Variants in UGT1A7 observed in about 807,000 individuals in gnomAD.
UGT1A7 encodes UDP glucuronosyltransferase family 1 member A7.
UGT1A7 carries 33 observed loss-of-function variants against 45.6 expected under a neutral mutation model. The ratio of observed to expected loss-of-function variants is 0.72; its 90% CI spans 0.55 to 0.97. UGT1A7 has a LOEUF of 0.97. Among genes scored for constraint, UGT1A7 ranks in the 50% least tolerant of loss-of-function variants. The probability of loss-of-function intolerance (pLI) is 0.00; values close to 1 mark genes in which losing one functional copy is unlikely to be tolerated. For synonymous variants in UGT1A7, 274 were observed against 250.6 expected, an observed-to-expected ratio of 1.09 and a Z score of -0.88; for missense variants, 684 against 666.2, an observed-to-expected ratio of 1.03 and a Z score of -0.29.
chr2:233,685,117 C>T (rs1026274223), intron 1 of UGT1A7, among the ~76,000 whole-genome samples: 11 of 151,976 alleles, frequency 7.2e-5, no homozygotes, highest in African/African-American at 2.7e-4. Context: ...TGAGTCTATC[C>T]AGGTGAATTA....
At chr2:233,766,890 A>G (rs1433588040) in intron 1 of UGT1A7, 144 bp from the exon 2 acceptor site, 1 of 1,467,048 alleles carries the variant, frequency 6.8e-7, no homozygotes, top group Non-Finnish European at 9.0e-7. Flanking sequence ...TAAAACTTAC[A>G]TATTAATAAT....
At chr2:233,690,534 A>G (rs1240259112) in intron 1 of UGT1A7, 1 of 1,287,984 alleles carries the variant, frequency 7.8e-7, no homozygotes, top group Non-Finnish European at 1.0e-6. Flanking sequence ...TACTTCTTTC[A>G]CCCCACTGGA....
At chr2:233,751,205 G>C (rs1471569540) in intron 1 of UGT1A7, among the ~76,000 whole-genome samples, 1 of 151,980 alleles carries the variant, frequency 6.6e-6, no homozygotes, top group East Asian at 1.9e-4. Context: ...TAATTTTGGA[G>C]CTTTAAGATT....
chr2:233,734,133 G>T lies in UGT1A7; in HGVS notation c.856-32901G>T, dbSNP rs9711095. Among the ~76,000 whole-genome samples the T allele has an allele frequency of 6.7e-3, 1,025 of 152,076 alleles. 39 individuals carry two copies. Among genetic ancestry groups the T allele is most frequent in the Admixed American group, 0.052 (802 of 15,280 alleles). ...ATAATAATAATAATAAAAAGAATTTGGCTGTGAATCCATCTGGTCCTGGAC... is the reference window on the plus strand; with the variant it reads ...ATAATAATAATAATAAAAAGAATTTTGCTGTGAATCCATCTGGTCCTGGAC... On this transcript the variant is annotated intron_variant, in intron 1 of 4. Transcript: ENST00000373426.
At chr2:233,742,146 G>A (rs1312882014) in intron 1 of UGT1A7, among the ~76,000 whole-genome samples, 1 of 151,928 alleles carries the variant, frequency 6.6e-6, no homozygotes, top group Admixed American at 6.5e-5. Context: ...AGCAGCGCTA[G>A]ACGAATTAAA....
At chr2:233,690,713 G>A (rs758737134) in intron 1 of UGT1A7, 39 of 1,220,018 alleles carry the variant, frequency 3.2e-5, no homozygotes, top group Non-Finnish European at 4.1e-5. Flanking sequence ...TCGTCATTAT[G>A]ACGAACAGAC....
chr2:233,729,081 G>A lies in UGT1A7; in HGVS notation c.856-37953G>A, dbSNP rs376039648. 312 of 1,612,238 alleles carry A rather than the reference G, an allele frequency of 1.9e-4. No individual in the cohort carries two copies. The African/African-American group carries it at 3.8e-3, about 20-fold the overall frequency. On this transcript the variant is annotated intron_variant, in intron 1 of 4. Coordinates refer to ENST00000373426, the MANE Select transcript of UGT1A7 (RefSeq NM_019077.3). ...TAAGATGAAGAAAGCAAATGTAGCAGGCACAGCGTGGGGTGGACAGTCAGC... is the reference window on the plus strand; with the variant it reads ...TAAGATGAAGAAAGCAAATGTAGCAAGCACAGCGTGGGGTGGACAGTCAGC...
intron 1 of UGT1A7, among the ~76,000 whole-genome samples, chr2:233,702,680 G>A (rs1358837943): frequency 7.2e-5 from 11 of 152,088 alleles, no homozygotes; most frequent in African/African-American, 1.7e-4. Flanking sequence ...TACCTGAGGT[G>A]TTTGGTTTTG....
chr2:233,739,272 C>A (rs1444866031), intron 1 of UGT1A7, among the ~76,000 whole-genome samples: 1 of 152,138 alleles, frequency 6.6e-6, no homozygotes, highest in African/African-American at 2.4e-5. Context: ...AGGTTGGAGC[C>A]CCCACACAGA....
chr2:233,682,233 CG>C lies in UGT1A7; in HGVS notation c.298del (p.Ala100HisfsTer10). ...ATGGTTTTTGCCGATGCTCGCTGGA[CG>C]GCACCATTGCGAAGTGCATTTTCTC... ...EFMVFADARW[T>X]APLRSAFSLL... On this transcript the variant is annotated frameshift_variant, in exon 1 of 5. Coordinates refer to ENST00000373426, the MANE Select transcript of UGT1A7 (RefSeq NM_019077.3). LOFTEE classifies it high-confidence loss of function. The C allele has an allele frequency of 6.2e-7, 1 of 1,614,200 alleles. No homozygotes were observed. The highest frequency in any genetic ancestry group is 8.5e-7 in the Non-Finnish European group (1 of 1,180,024).
chr2:233,718,073 G>C, intron 1 of UGT1A7: 1 of 345,132 alleles, frequency 2.9e-6, no homozygotes, highest in South Asian at 2.3e-5. Flanking sequence ...GTCCTTGCTA[G>C]GGTTGTCTTG....
At chr2:233,700,978 T>G (rs2075603422) in intron 1 of UGT1A7, among the ~76,000 whole-genome samples, 1 of 152,172 alleles carries the variant, frequency 6.6e-6, no homozygotes, top group Admixed American at 6.5e-5. Context: ...TGTTTGATTT[T>G]TTGTCCTTGC....
chr2:233,693,545 A>G lies in UGT1A7; in HGVS notation c.855+10753A>G, dbSNP rs2070959. ...GGGTTTTCCGTGTTCCCTGGAGCATACATTCAGCAGAAGCCCAGACCCTGT... is the reference window on the plus strand; with the variant it reads ...GGGTTTTCCGTGTTCCCTGGAGCATGCATTCAGCAGAAGCCCAGACCCTGT... On this transcript the variant is annotated intron_variant, in intron 1 of 4. Transcript: ENST00000373426. The G allele has an allele frequency of 0.32, 515,475 of 1,613,956 alleles. 84,631 individuals are homozygous for G. Among genetic ancestry groups the G allele is most frequent in the South Asian group, 0.4 (36,504 of 91,082 alleles).
rs2076078557 is a variant in UGT1A7, at chr2:233,709,472, A to G, written c.855+26680A>G. ...TTTTAAAGCAATCATTTTGGGGCTT[A>G]TAAGTATTTAGTATTTGAAGTCTCT... is the stretch of plus-strand genomic sequence containing the variant. On this transcript the variant is annotated intron_variant, in intron 1 of 4. Coordinates refer to ENST00000373426, the MANE Select transcript of UGT1A7 (RefSeq NM_019077.3). Among the ~76,000 whole-genome samples the G allele has an allele frequency of 2.0e-5, 3 of 152,238 alleles. No homozygotes were observed. In the South Asian group the frequency reaches 6.2e-4, roughly 32 times the overall value.
intron 1 of UGT1A7, among the ~76,000 whole-genome samples, chr2:233,748,368 T>C (rs76077604): frequency 0.034 from 5,139 of 151,930 alleles, 164 homozygotes; most frequent in African/African-American, 0.052. Context: ...ATCTTCATGG[T>C]TGTGCATGTC....
At chr2:233,758,766 C>A (rs1239430775) in intron 1 of UGT1A7, among the ~76,000 whole-genome samples, 1 of 152,154 alleles carries the variant, frequency 6.6e-6, no homozygotes, top group Admixed American at 6.5e-5. Flanking sequence ...GTGTATGGTT[C>A]AAATGTTGGG....
intron 1 of UGT1A7, among the ~76,000 whole-genome samples, chr2:233,705,628 G>T (rs1440329298): frequency 6.6e-6 from 1 of 152,194 alleles, no homozygotes; most frequent in Non-Finnish European, 1.5e-5. Context: ...TGAGTTGACA[G>T]TTCTAGGAAG....
At position 233,769,481 on chromosome 2, in the gene UGT1A7, G is replaced by T. The variant is rs35791110; in HGVS notation, c.1295+1042G>T. 6.2e-7 allele frequency: 1 copy of T among 1,612,192 alleles called. No homozygotes were observed. The highest frequency in any genetic ancestry group is 1.3e-5 in the African/African-American group (1 of 75,008). ...TTCATATGCGTGTGTGTGTGTGTGC[G>T]TGTGTTTATGAGAGTGTCCATTGCT... is the stretch of plus-strand genomic sequence containing the variant. On this transcript the variant is annotated intron_variant, in intron 4 of 4. Transcript: ENST00000373426. The surrounding 1 kb of genome is among the most constrained non-coding windows in gnomAD (Gnocchi z 4.4).
In UGT1A7 at chr2:233,719,145, A is replaced by G. The variant is rs539093785; in HGVS notation, c.855+36353A>G. On this transcript the variant is annotated intron_variant, in intron 1 of 4. Transcript: ENST00000373426. ...CTTTGAAACAGAACATCTTCTGAAG[A>G]GATATTCTAGAAGTATGGCAATTAT... The G allele has an allele frequency of 3.7e-5, 59 of 1,614,252 alleles. No homozygotes were observed. In the East Asian group the frequency reaches 9.8e-4, roughly 27 times the overall value.
Sources: allele counts gnomAD v4.1 joint callset (sites outside exome capture counted in the v4.1 genomes callset), GRCh38; gene constraint gnomAD v4.1.1; non-coding constraint Gnocchi (gnomAD v3.1); transcripts MANE v1.5; gene names NCBI Gene and HGNC (gene_info 2026-07-23, HGNC 2026-07-21).